The following GLIS2 variants were observed in gnomAD, a reference collection of about 807,000 sequenced individuals.
The protein encoded by GLIS2 is zinc finger protein GLIS2.
GLIS2 carries 14 observed loss-of-function variants against 35.6 expected under a neutral mutation model. The observed-to-expected ratio is 0.39, with a 90% CI of 0.26 to 0.61. GLIS2 has a LOEUF of 0.61. Among genes scored for constraint, GLIS2 ranks in the 20% least tolerant of loss-of-function variants. The pLI is 0.48. For missense variants in GLIS2, 675 were observed against 713.4 expected (o/e 0.95, Z 0.61); for synonymous variants, 368 against 325.1 (o/e 1.13, Z -1.42).
At chr16:4,316,438 T>A (rs1316048958) in intron 1 of GLIS2, among the ~76,000 whole-genome samples, 184 bp downstream of exon 1, 3 of 150,008 alleles carry the variant, frequency 2.0e-5, no homozygotes, top group Non-Finnish European at 4.4e-5. Context: ...GCGCGCTCCC[T>A]CCCTCGCCGG....
chr16:4,317,900 C>G (rs1238589507), intron 1 of GLIS2, among the ~76,000 whole-genome samples: 1 of 152,180 alleles, frequency 6.6e-6, no homozygotes, highest in African/African-American at 2.4e-5. Context: ...AGCGCTGACC[C>G]CCTGTGCCTG....
intron 1 of GLIS2, among the ~76,000 whole-genome samples, chr16:4,319,086 G>C (rs1052316887): frequency 6.6e-6 from 1 of 152,192 alleles, no homozygotes; most frequent in Non-Finnish European, 1.5e-5. Flanking sequence ...AGGCCCAGGG[G>C]TCTCTGGCAC....
At chr16:4,322,753 G>A (rs2141122077) in intron 1 of GLIS2, among the ~76,000 whole-genome samples, 1 of 152,258 alleles carries the variant, frequency 6.6e-6, no homozygotes, top group Non-Finnish European at 1.5e-5. Flanking sequence ...GGCAGGCCAA[G>A]GTCCACCGCC....
upstream of GLIS2, among the ~76,000 whole-genome samples, chr16:4,315,671 G>T (rs1462458053): frequency 6.6e-6 from 1 of 151,306 alleles, no homozygotes; most frequent in South Asian, 2.1e-4. Flanking sequence ...GGCCGCGGGG[G>T]GGGGGTGGCG....
At chr16:4,326,216 G>C (rs1246265697) in intron 1 of GLIS2, among the ~76,000 whole-genome samples, 1 of 152,206 alleles carries the variant, frequency 6.6e-6, no homozygotes, top group African/African-American at 2.4e-5. Context: ...CTGCACTCCA[G>C]CCTGGGTGAC....
Position 4,337,116 on chromosome 16 carries a change from TG to T in GLIS2, c.1172del (p.Gly391AlafsTer133). The T allele has an allele frequency of 1.3e-6, 2 of 1,535,506 alleles. No homozygotes were observed. ...DLSALACGNG[G>X]GSGGGGGMGP... ...TCAGTGCCCTGGCCTGTGGCAACGG[TG>T]GGGGCAGTGGGGGTGGGGGGGGCAT... is the stretch of plus-strand genomic sequence containing the variant. On this transcript the variant is annotated frameshift_variant, in exon 7 of 7. Coordinates refer to ENST00000433375, the MANE Select transcript of GLIS2 (RefSeq NM_032575.3). LOFTEE classifies it high-confidence loss of function.
upstream of GLIS2, among the ~76,000 whole-genome samples, chr16:4,315,968 C>G (rs1454342586): frequency 6.7e-6 from 1 of 148,194 alleles, no homozygotes; most frequent in Admixed American, 6.6e-5. Context: ...CGCCCTCCTC[C>G]GCGGCCGGCG....
At chr16:4,322,869 C>G (rs1355455266) in intron 1 of GLIS2, among the ~76,000 whole-genome samples, 1 of 152,192 alleles carries the variant, frequency 6.6e-6, no homozygotes, top group Non-Finnish European at 1.5e-5. Context: ...CCCCGACCCC[C>G]CAGGACTTAG....
At position 4,337,437 on chromosome 16, in the gene GLIS2, A is replaced by C. The variant is rs1263779646; in HGVS notation, c.1488A>C (p.Ser496=). 1 of 1,581,428 alleles carries C rather than the reference A, an allele frequency of 6.3e-7. No homozygotes were observed. The highest frequency in any genetic ancestry group is 8.6e-7 in the Non-Finnish European group (1 of 1,166,298). Residue 496 remains serine, a synonymous_variant, in exon 7 of 7, where the codon TCA becomes TCC. Transcript: ENST00000433375. ...TVLDLSTGVN[S]AASSPEALAP... ...TGGACCTGTCCACGGGCGTCAACTC[A>C]GCTGCCAGCAGCCCAGAGGCGTTGG...
In GLIS2 at chr16:4,335,421, C is replaced by G; in HGVS notation, c.775+28C>G. ...AAGAGGCCGGGGCCGGGCGGCTTGGCCCATGAAGGGGGCGCTCAGCTGAGA... is the reference window on the plus strand; with the variant it reads ...AAGAGGCCGGGGCCGGGCGGCTTGGGCCATGAAGGGGGCGCTCAGCTGAGA... On this transcript the variant is annotated intron_variant, in intron 6 of 6. Coordinates refer to ENST00000433375, the MANE Select transcript of GLIS2 (RefSeq NM_032575.3). This position sits in a 1 kb window ranked among gnomAD's most constrained non-coding sequence, Gnocchi z 4.6. 6.2e-7 allele frequency: 1 copy of G among 1,605,400 alleles called. No homozygotes were observed. The highest frequency in any genetic ancestry group is 8.5e-7 in the Non-Finnish European group (1 of 1,173,292).
rs1346947196 is a variant in GLIS2, at chr16:4,336,917, A to G, written c.968A>G (p.His323Arg). 2 of 1,612,884 alleles carry G rather than the reference A, an allele frequency of 1.2e-6. No homozygotes were observed. Among genetic ancestry groups the G allele is most frequent in the South Asian group, 1.1e-5 (1 of 91,076 alleles). Residue 323 changes from histidine to arginine, a missense_variant, in exon 7 of 7, where the codon CAC becomes CGC. Coordinates refer to ENST00000433375, the MANE Select transcript of GLIS2 (RefSeq NM_032575.3). ...AAGGCCCATGGCCACTTTGTGTCCC[A>G]CGAGCAGCAAGAGCTCCTGCAGCTG... Reference protein sequence around the residue: ...HIKAHGHFVSHEQQELLQLRP... With the variant: ...HIKAHGHFVSREQQELLQLRP...
chr16:4,316,500 C>T (rs2053314864), intron 1 of GLIS2, among the ~76,000 whole-genome samples: 1 of 151,960 alleles, frequency 6.6e-6, no homozygotes, highest in African/African-American at 2.4e-5. Context: ...CTCCTTCCTT[C>T]CCTCCGTCTG....
chr16:4,323,898 T>C lies in GLIS2; in HGVS notation c.-67+7644T>C, dbSNP rs556648104. 2.0e-5 allele frequency among the ~76,000 whole-genome samples: 3 copies of C among 152,276 alleles called. No homozygotes were observed. The East Asian group carries it at 5.8e-4, about 29-fold the overall frequency. On this transcript the variant is annotated intron_variant, in intron 1 of 6. Coordinates refer to ENST00000433375, the MANE Select transcript of GLIS2 (RefSeq NM_032575.3). ...CAGGGACCATTGCCGTGGTGTCTGT[T>C]ACCTACAAGGAAACCAAGGCTCAGA...
chr16:4,334,962 G>A lies in GLIS2; in HGVS notation c.507G>A (p.Val169=), dbSNP rs1018692384. 1 of 1,613,242 alleles carries A rather than the reference G, an allele frequency of 6.2e-7. No homozygotes were observed. The highest frequency in any genetic ancestry group is 1.3e-5 in the African/African-American group (1 of 75,054). Residue 169 remains valine (V), a synonymous_variant, in exon 4 of 7, where the codon GTG becomes GTA. Transcript: ENST00000433375. ...ACCTGCCCCTGCCCAAGCAGCTGGT[G>A]TGTCGCTGGGCCAAGGTGAGTGGGG... ...SPDLPLPKQL[V]CRWAKCNQLF...
At chr16:4,317,243 C>A (rs2053323473) in intron 1 of GLIS2, among the ~76,000 whole-genome samples, 1 of 152,188 alleles carries the variant, frequency 6.6e-6, no homozygotes, top group Non-Finnish European at 1.5e-5. Context: ...AGGATCTTGG[C>A]TCTGGAGGGA....
intron 1 of GLIS2, among the ~76,000 whole-genome samples, chr16:4,326,049 T>C (rs544478837): frequency 7.4e-4 from 110 of 149,588 alleles, no homozygotes; most frequent in African/African-American, 2.5e-3. Flanking sequence ...CCATCCTGGC[T>C]AACACGGTGA....
rs1162521384 is a variant in GLIS2, at chr16:4,337,256, G to A, written c.1307G>A (p.Gly436Asp). 1.3e-6 allele frequency: 2 copies of A among 1,548,694 alleles called. No homozygotes were observed. The highest frequency in any genetic ancestry group is 1.2e-5 in the South Asian group (1 of 84,100). ...LGLPVVSLLA[G>D]AAGGKAEGEK... is the part of the protein sequence containing the mutation. ...TTGCCTGTGGTCTCCCTCCTTGCTG[G>A]CGCAGCTGGTGGCAAGGCCGAGGGG... is the stretch of plus-strand genomic sequence containing the variant. Residue 436 changes from glycine (G) to aspartate (D), a missense_variant, in exon 7 of 7, where the codon GGC (glycine) becomes GAC (aspartate). By Grantham distance (94) the Gly-to-Asp change is moderately conservative (BLOSUM62 -1). This residue lies in a region of GLIS2 where 317 missense variants were observed against 283.2 expected (regional missense o/e 1.12). Transcript: ENST00000433375.
chr16:4,325,667 C>T, intron 1 of GLIS2, among the ~76,000 whole-genome samples: 1 of 152,114 alleles, frequency 6.6e-6, no homozygotes, highest in Non-Finnish European at 1.5e-5. Flanking sequence ...GTGGCTCCTG[C>T]CTGTAATCCT....
At chr16:4,326,029 G>A (rs894646356) in intron 1 of GLIS2, among the ~76,000 whole-genome samples, 35 of 151,108 alleles carry the variant, frequency 2.3e-4, no homozygotes, top group Non-Finnish European at 2.5e-4. Flanking sequence ...ACGAGGTCAG[G>A]ATATCGAGAC....
Sources: allele counts gnomAD v4.1 joint callset (sites outside exome capture counted in the v4.1 genomes callset), GRCh38; gene constraint gnomAD v4.1.1; regional missense constraint gnomAD v4.1.1; non-coding constraint Gnocchi (gnomAD v3.1); transcripts MANE v1.5; gene names NCBI Gene and HGNC (gene_info 2026-07-23, HGNC 2026-07-21).